Variants in NTRK3 observed in about 807,000 individuals in gnomAD.
NTRK3 encodes neurotrophic receptor tyrosine kinase 3.
Under a neutral mutation model 91.7 loss-of-function variants are expected in NTRK3, and 24 were observed. That is an observed-to-expected ratio of 0.26 (90% CI 0.19 to 0.37). The LOEUF (loss-of-function observed/expected upper bound fraction) is 0.37, where lower values mean the gene tolerates loss of function less well. NTRK3 is among the 10% of genes least tolerant of loss of function. The pLI is 1.00. For missense variants in NTRK3, 880 were observed against 1,068.9 expected (o/e 0.82, Z 2.46); for synonymous variants, 483 against 404.0 (o/e 1.20, Z -2.34).
chr15:88,138,816 T>A (rs1056728648), intron 6 of NTRK3, among the ~76,000 whole-genome samples: 2 of 152,226 alleles, frequency 1.3e-5, no homozygotes, highest in Non-Finnish European at 2.9e-5. Context: ...TCTCCCTGAA[T>A]AAAAATTAAA....
intron 13 of NTRK3, among the ~76,000 whole-genome samples, chr15:88,047,792 A>G (rs1349789578): frequency 6.6e-6 from 1 of 152,202 alleles, no homozygotes; most frequent in Non-Finnish European, 1.5e-5. Flanking sequence ...CATCATTAAT[A>G]GAGCCCCCTT....
At chr15:88,173,528 C>T (rs1295299967) in intron 5 of NTRK3, among the ~76,000 whole-genome samples, 2 of 152,254 alleles carry the variant, frequency 1.3e-5, no homozygotes, top group South Asian at 2.1e-4. Flanking sequence ...TAAATACCCA[C>T]TCTGTGTAAT....
intron 6 of NTRK3, among the ~76,000 whole-genome samples, chr15:88,142,253 G>A (rs1241578905): frequency 6.6e-6 from 1 of 152,236 alleles, no homozygotes; most frequent in African/African-American, 2.4e-5. Flanking sequence ...CAGTCCTGCG[G>A]AACCTAAAGC....
At chr15:87,920,869 TTAAG>T (rs2067811392) in intron 17 of NTRK3, among the ~76,000 whole-genome samples, 1 of 152,170 alleles carries the variant, frequency 6.6e-6, no homozygotes, top group African/African-American at 2.4e-5. Context: ...TCCACTGCCC[TTAAG>T]TAAGACTGGT....
At chr15:88,166,392 A>C (rs1043770143) in intron 5 of NTRK3, among the ~76,000 whole-genome samples, 2 of 152,138 alleles carry the variant, frequency 1.3e-5, no homozygotes, top group African/African-American at 4.8e-5. Flanking sequence ...TGCTTGTGCC[A>C]AGGCAGTGGC....
chr15:88,125,305 G>A (rs763019705), intron 13 of NTRK3, among the ~76,000 whole-genome samples: 1 of 152,160 alleles, frequency 6.6e-6, no homozygotes, highest in Non-Finnish European at 1.5e-5. Context: ...TGCCATTCAT[G>A]TACTCTTCTT....
chr15:88,118,859 C>T (rs1241162106), intron 13 of NTRK3, among the ~76,000 whole-genome samples: 1 of 152,144 alleles, frequency 6.6e-6, no homozygotes, highest in Non-Finnish European at 1.5e-5. Context: ...TGCAACAACA[C>T]GAGTCAGTAA....
At chr15:87,947,642 C>T (rs1053225064) in intron 14 of NTRK3, among the ~76,000 whole-genome samples, 2 of 151,580 alleles carry the variant, frequency 1.3e-5, no homozygotes, top group South Asian at 2.1e-4. Context: ...GAGTCCTGAG[C>T]GTGACTACAC....
chr15:87,883,115 GTATA>G (rs34196857), intron 17 of NTRK3, among the ~76,000 whole-genome samples: 5 of 149,574 alleles, frequency 3.3e-5, no homozygotes, highest in South Asian at 2.1e-4. Flanking sequence ...GCATATACAT[GTATA>G]TATATATATG....
At chr15:88,188,926 C>T (rs1049058931) in intron 3 of NTRK3, among the ~76,000 whole-genome samples, 1 of 152,204 alleles carries the variant, frequency 6.6e-6, no homozygotes, top group African/African-American at 2.4e-5. Context: ...GTGAAATGCT[C>T]CATTCAGAAA....
At chr15:87,863,096 G>T (rs896063257) in exon 19 of NTRK3, 1 of 230,996 alleles carries the variant, frequency 4.3e-6, no homozygotes. Context: ...CTACTCTAAA[G>T]CATGCCCTTC....
intron 13 of NTRK3, among the ~76,000 whole-genome samples, chr15:88,119,045 G>T (rs1239985739): frequency 6.6e-6 from 1 of 152,318 alleles, no homozygotes; most frequent in Non-Finnish European, 1.5e-5. Context: ...CTATTTCAAG[G>T]GAATTCCCTT....
At chr15:88,206,184 A>G (rs1597946929) in intron 3 of NTRK3, among the ~76,000 whole-genome samples, 1 of 131,642 alleles carries the variant, frequency 7.6e-6, no homozygotes, top group East Asian at 2.2e-4. Flanking sequence ...CTAAAAATAC[A>G]AAAAAAAAAA....
chr15:88,096,560 T>C lies in NTRK3; in HGVS notation c.1396+29711A>G, dbSNP rs139342272. On this transcript the variant is annotated intron_variant, in intron 13 of 18. Coordinates refer to ENST00000394480, the Ensembl canonical transcript of NTRK3. ...CCCACCTCAAGAGCCTGCATCCTTT[T>C]TCTTTGCCTAAGGACTTTCTCCAGC... is the stretch of plus-strand genomic sequence containing the variant. 7.2e-5 allele frequency among the ~76,000 whole-genome samples: 11 copies of C among 152,308 alleles called. No individual in the cohort carries two copies. The East Asian group carries it at 2.1e-3, about 29-fold the overall frequency.
intron 13 of NTRK3, among the ~76,000 whole-genome samples, chr15:88,045,282 G>A (rs2080070752): frequency 6.6e-6 from 1 of 152,130 alleles, no homozygotes; most frequent in Admixed American, 6.6e-5. Flanking sequence ...ATAAAAAGCA[G>A]TAAGGAACCT....
chr15:87,877,041 C>A (rs780649803), exon 19 of NTRK3: 1 of 1,613,982 alleles, frequency 6.2e-7, no homozygotes, highest in Non-Finnish European at 8.5e-7. Flanking sequence ...CTGCCAGCAC[C>A]CCAGCATGAC....
chr15:88,007,642 C>T (rs184278556), intron 14 of NTRK3, among the ~76,000 whole-genome samples: 1 of 152,170 alleles, frequency 6.6e-6, no homozygotes, highest in Non-Finnish European at 1.5e-5. Flanking sequence ...GCCTGGGAAG[C>T]CTGTTTTATC....
rs1398453361 is a variant in NTRK3 at position 88,223,277 on chromosome 15, G to A, written c.248+32629C>T. ...ATCACACCAGGTCACCCGGGAGGAC[G>A]CAGTGGCCTGTGTCACCAGGCGTGA... On this transcript the variant is annotated intron_variant, in intron 3 of 18. Transcript: ENST00000394480. Among the ~76,000 whole-genome samples the A allele has an allele frequency of 7.9e-5, 12 of 152,368 alleles. 1 individual carries two copies. In the South Asian group the frequency reaches 1.2e-3, roughly 16 times the overall value.
chr15:87,901,286 G>A (rs987018781), intron 17 of NTRK3, among the ~76,000 whole-genome samples: 1 of 152,246 alleles, frequency 6.6e-6, no homozygotes, highest in Non-Finnish European at 1.5e-5. Context: ...TTGGAGAGTT[G>A]TTATTCAAAG....
Sources: gnomAD v4.1 joint callset for allele counts (sites outside exome capture counted in the v4.1 genomes callset) on GRCh38, gnomAD v4.1.1 for gene constraint, MANE v1.5 for transcripts, NCBI Gene and HGNC (gene_info 2026-07-23, HGNC 2026-07-21) for gene names.